CCSER1: variants seen among roughly 807,000 people sequenced by gnomAD.
The protein encoded by CCSER1 is coiled-coil serine rich protein 1.
CCSER1 carries 41 observed loss-of-function variants against 82.0 expected under a neutral mutation model. The ratio of observed to expected loss-of-function variants is 0.50; its 90% CI spans 0.39 to 0.65. The LOEUF (loss-of-function observed/expected upper bound fraction) is 0.65. CCSER1 is among the 30% of genes least tolerant of loss of function. The probability of loss-of-function intolerance (pLI) is 0.00; values close to 1 mark genes in which losing one functional copy is unlikely to be tolerated. For synonymous variants in CCSER1, 414 were observed against 383.9 expected (o/e 1.08, Z -0.92); for missense variants, 1,119 against 1,064.2 (o/e 1.05, Z -0.72).
chr4:90,456,402 A>G (rs1486919361), intron 4 of CCSER1, among the ~76,000 whole-genome samples: 1 of 152,234 alleles, frequency 6.6e-6, no homozygotes, highest in African/African-American at 2.4e-5. Flanking sequence ...GATAGGAGCC[A>G]CGACAACCTT....
At chr4:91,006,209 T>C (rs1339317109) in intron 9 of CCSER1, among the ~76,000 whole-genome samples, 1 of 152,168 alleles carries the variant, frequency 6.6e-6, no homozygotes, top group African/African-American at 2.4e-5. Flanking sequence ...TTTATAGTTT[T>C]CAGTGTAGAG....
intron 5 of CCSER1, among the ~76,000 whole-genome samples, chr4:90,626,328 T>C (rs1723257076): frequency 6.6e-6 from 1 of 152,120 alleles, no homozygotes; most frequent in African/African-American, 2.4e-5. Context: ...AATTCGATTA[T>C]AACTAAAGTA....
intron 7 of CCSER1, among the ~76,000 whole-genome samples, chr4:90,759,679 C>CGTGAAGA (rs1156362220): frequency 6.6e-6 from 1 of 152,104 alleles, no homozygotes; most frequent in Non-Finnish European, 1.5e-5. Flanking sequence ...GTGAAGAACT[C>CGTGAAGA]ACGAAGAACT....
At chr4:90,911,150 T>C in intron 8 of CCSER1, 1 of 379,792 alleles carries the variant, frequency 2.6e-6, no homozygotes, top group South Asian at 2.1e-5. Context: ...TAAATCTGGG[T>C]AATGATTGCA....
At chr4:90,543,830 T>C (rs55835437) in intron 5 of CCSER1, among the ~76,000 whole-genome samples, 24,256 of 152,086 alleles carry the variant, frequency 0.16, 2,502 homozygotes, top group East Asian at 0.43. Context: ...AATAAATATT[T>C]TTGAAGACAT....
At position 91,490,918 on chromosome 4, in the gene CCSER1, ATATATAT is replaced by A. The variant is rs1758496912; in HGVS notation, c.2218-107653_2218-107647del. On this transcript the variant is annotated intron_variant, in intron 10 of 10. Transcript: ENST00000509176. ...TATATATATATATATATATATATAT[ATATATAT>A]ATAAAATATGCGTCTACTATGTACC... Among the ~76,000 whole-genome samples, 3 of 88,646 alleles carry A rather than the reference ATATATAT, an allele frequency of 3.4e-5. 1 individual carries two copies. Among genetic ancestry groups the A allele is most frequent in the African/African-American group, 1.2e-4 (3 of 24,540 alleles). 58.2% of individuals were successfully genotyped at this position (88,646 alleles called of 152,430 possible).
intron 7 of CCSER1, among the ~76,000 whole-genome samples, chr4:90,728,465 A>G (rs1358600416): frequency 6.6e-6 from 1 of 152,190 alleles, no homozygotes; most frequent in Non-Finnish European, 1.5e-5. Flanking sequence ...CATGAACTTA[A>G]CTTTAATATG....
At chr4:91,067,521 T>A (rs771706659) in intron 9 of CCSER1, among the ~76,000 whole-genome samples, 3 of 151,958 alleles carry the variant, frequency 2.0e-5, no homozygotes, top group African/African-American at 4.8e-5. Context: ...AATTTTTTAT[T>A]TTTTGCAGAG....
At chr4:90,245,155 A>G (rs753491775) in intron 1 of CCSER1, among the ~76,000 whole-genome samples, 6 of 152,222 alleles carry the variant, frequency 3.9e-5, no homozygotes, top group Non-Finnish European at 8.8e-5. Flanking sequence ...TGATTATTGT[A>G]TGTACTGGAG....
chr4:90,259,234 C>G (rs1370153713), intron 1 of CCSER1, among the ~76,000 whole-genome samples: 1 of 152,044 alleles, frequency 6.6e-6, no homozygotes, highest in Non-Finnish European at 1.5e-5. Context: ...GTTTTTGCAG[C>G]TATTGCAAAA....
intron 9 of CCSER1, among the ~76,000 whole-genome samples, chr4:90,952,185 T>C (rs1732984113): frequency 6.6e-6 from 1 of 152,024 alleles, no homozygotes. Context: ...AAAGCAAATA[T>C]ATAAAAAGAA....
Position 90,572,679 on chromosome 4 carries a change from G to T in CCSER1, c.1725-55346G>T, listed in dbSNP as rs114075705. ...TTTTCTTCTCTGGGATTTCTGTTTG[G>T]TTTTTTAAAAGTATATGTTCATTAA... On this transcript the variant is annotated intron_variant, in intron 5 of 10. Coordinates refer to ENST00000509176, the MANE Select transcript of CCSER1 (RefSeq NM_001145065.2). Among the ~76,000 whole-genome samples the T allele has an allele frequency of 9.9e-3, 1,502 of 151,456 alleles. 10 individuals carry two copies. Among genetic ancestry groups the T allele is most frequent in the Non-Finnish European group, 0.014 (953 of 67,846 alleles).
At chr4:91,033,113 TGTAA>T in intron 9 of CCSER1, among the ~76,000 whole-genome samples, 1 of 152,080 alleles carries the variant, frequency 6.6e-6, no homozygotes, top group East Asian at 1.9e-4. Context: ...TACTGGAAAC[TGTAA>T]GTAATACTAT....
intron 8 of CCSER1, among the ~76,000 whole-genome samples, chr4:90,863,359 A>G (rs901039230): frequency 3.9e-5 from 6 of 151,930 alleles, no homozygotes; most frequent in African/African-American, 1.4e-4. Context: ...GTAATATTCA[A>G]ACAAACATTA....
At chr4:91,343,043 G>A (rs1295586685) in intron 10 of CCSER1, among the ~76,000 whole-genome samples, 2 of 152,038 alleles carry the variant, frequency 1.3e-5, no homozygotes, top group East Asian at 3.9e-4. Flanking sequence ...TTTTTGAAGT[G>A]GTTGAAATCT....
intron 8 of CCSER1, among the ~76,000 whole-genome samples, chr4:90,859,493 T>C (rs1186959309): frequency 1.3e-5 from 2 of 151,776 alleles, no homozygotes; most frequent in East Asian, 3.9e-4. Flanking sequence ...GCTTATGTAA[T>C]TACCGGGCAT....
chr4:90,901,620 C>CAACAA (rs1263325444), intron 8 of CCSER1, among the ~76,000 whole-genome samples: 2 of 152,020 alleles, frequency 1.3e-5, no homozygotes, highest in Non-Finnish European at 2.9e-5. Flanking sequence ...CCAATCTCTT[C>CAACAA]TAGCTGATAA....
intron 10 of CCSER1, among the ~76,000 whole-genome samples, chr4:91,120,720 T>A (rs1727012079): frequency 6.6e-6 from 1 of 151,924 alleles, no homozygotes; most frequent in Non-Finnish European, 1.5e-5. Flanking sequence ...GGGAAAATTA[T>A]CTTCAAGGTG....
intron 9 of CCSER1, among the ~76,000 whole-genome samples, chr4:91,000,365 C>T (rs1737926056): frequency 6.6e-6 from 1 of 152,000 alleles, no homozygotes; most frequent in Non-Finnish European, 1.5e-5. Context: ...GTTATGCCTC[C>T]AGCTTTGCTC....
Sources: allele counts gnomAD v4.1 joint callset (sites outside exome capture counted in the v4.1 genomes callset), GRCh38; gene constraint gnomAD v4.1.1; transcripts MANE v1.5; gene names NCBI Gene and HGNC (gene_info 2026-07-23, HGNC 2026-07-21).